HEG1: variants seen among roughly 807,000 people sequenced by gnomAD.
HEG1 encodes the protein heart development protein with EGF like domains 1.
A neutral mutation model predicts 125.6 loss-of-function variants in HEG1; 56 were observed. That is an observed-to-expected ratio of 0.45 (90% CI 0.36 to 0.56). HEG1 has a LOEUF of 0.56. Ranked by LOEUF, HEG1 falls within the 20% of genes least tolerant of loss-of-function variation. The pLI, the probability that HEG1 is intolerant of heterozygous loss-of-function variation, is 0.00. For synonymous variants in HEG1, 644 were observed against 668.5 expected, an observed-to-expected ratio of 0.96 and a Z score of 0.57; for missense variants, 1,523 against 1,670.0, an observed-to-expected ratio of 0.91 and a Z score of 1.53.
rs957910845 is a variant in HEG1 at position 124,971,089 on chromosome 3, C to T, written c.3997-288G>A. ...TCTAGTTGCAGGTGGAGTTAGGACC[C>T]CAAACCAGGAGGCCAACAGCAATCC... is the stretch of plus-strand genomic sequence containing the variant. On this transcript the variant is annotated intron_variant, in intron 16 of 16. Coordinates refer to ENST00000311127, the MANE Select transcript of HEG1 (RefSeq NM_020733.2). The T allele has an allele frequency of 1.3e-4, 67 of 533,272 alleles. 1 individual carries two copies. The highest frequency in any genetic ancestry group is 4.2e-4 in the Admixed American group (19 of 44,716). 33.0% of individuals were successfully genotyped at this position (533,272 alleles called of 1,614,324 possible).
At chr3:125,019,626 A>G (rs747874415) in intron 4 of HEG1, 29 bp from the exon 5 acceptor site, 3 of 1,567,682 alleles carry the variant, frequency 1.9e-6, no homozygotes, top group South Asian at 1.1e-5. Context: ...AAAAAAGGCC[A>G]TTACATAGGT....
chr3:125,053,595 AC>A (rs1937864540), intron 1 of HEG1, among the ~76,000 whole-genome samples: 1 of 152,294 alleles, frequency 6.6e-6, no homozygotes, highest in Admixed American at 6.5e-5. Flanking sequence ...AAGAGAACCT[AC>A]CTAGGTAAGA....
intron 11 of HEG1, among the ~76,000 whole-genome samples, chr3:124,998,556 G>T (rs1560020835): frequency 2.0e-5 from 3 of 152,216 alleles, no homozygotes. Context: ...GCCTGTCACT[G>T]ACCAGGCAGA....
intron 9 of HEG1, among the ~76,000 whole-genome samples, chr3:125,004,026 G>A (rs1052135662): frequency 6.6e-6 from 1 of 152,180 alleles, no homozygotes; most frequent in Non-Finnish European, 1.5e-5. Context: ...TTAGTGGACT[G>A]TTCCCCAACT....
intron 1 of HEG1, among the ~76,000 whole-genome samples, chr3:125,048,386 T>G (rs1238284895): frequency 6.6e-6 from 1 of 152,160 alleles, no homozygotes; most frequent in Non-Finnish European, 1.5e-5. Context: ...TGGCCCTGGG[T>G]GATCCAGACA....
intron 1 of HEG1, among the ~76,000 whole-genome samples, chr3:125,044,687 T>TA (rs367602751): frequency 6.6e-6 from 1 of 151,744 alleles, no homozygotes; most frequent in African/African-American, 2.4e-5. Context: ...AAATCCAGTT[T>TA]AAAAAAAATA....
At chr3:125,024,746 T>C (rs568677697) in intron 3 of HEG1, among the ~76,000 whole-genome samples, 45 of 152,258 alleles carry the variant, frequency 3.0e-4, no homozygotes, top group Admixed American at 1.4e-3. Context: ...TGTAGCTGAG[T>C]GAAGAGTGAA....
chr3:125,045,169 C>G (rs1488555718), intron 1 of HEG1, among the ~76,000 whole-genome samples: 1 of 152,228 alleles, frequency 6.6e-6, no homozygotes, highest in Non-Finnish European at 1.5e-5. Context: ...GTGAAGCTCA[C>G]TAAACCTGTG....
chr3:124,984,166 T>C (rs1936700564), intron 14 of HEG1, among the ~76,000 whole-genome samples: 1 of 152,162 alleles, frequency 6.6e-6, no homozygotes, highest in Admixed American at 6.5e-5. Context: ...ACACCTGCCA[T>C]CAGACCGTGG....
chr3:125,004,025 TG>T (rs1213026347), intron 9 of HEG1, among the ~76,000 whole-genome samples: 5 of 152,236 alleles, frequency 3.3e-5, no homozygotes, highest in African/African-American at 1.2e-4. Context: ...TTTAGTGGAC[TG>T]TTCCCCAACT....
At chr3:124,984,956 G>A (rs1309834743) in intron 14 of HEG1, among the ~76,000 whole-genome samples, 1 of 152,146 alleles carries the variant, frequency 6.6e-6, no homozygotes, top group African/African-American at 2.4e-5. Context: ...ATAAAATTAC[G>A]TAAGTGAAAA....
chr3:125,019,485 A>C lies in HEG1; in HGVS notation c.1365T>G (p.Thr455=), dbSNP rs372609059. 9.0e-5 allele frequency: 146 copies of C among 1,613,948 alleles called. No individual in the cohort carries two copies. Among genetic ancestry groups the C allele is most frequent in the Non-Finnish European group, 1.2e-4 (141 of 1,179,906 alleles). ...SVAPMRGGEI[T]AHWLLTNSTT... ...TGCTGTTGGTCAAGAGCCAGTGTGC[A>C]GTGATCTCTCCACCTCTCATGGGTG... is the stretch of plus-strand genomic sequence containing the variant. Residue 455 remains threonine (T), a synonymous_variant, in exon 5 of 17, where the codon ACT becomes ACG. Transcript: ENST00000311127.
chr3:124,978,264 C>T (rs936084828), intron 14 of HEG1, among the ~76,000 whole-genome samples: 18 of 152,202 alleles, frequency 1.2e-4, no homozygotes, highest in East Asian at 1.9e-4. Context: ...TCTCCTGCCT[C>T]GGCCTCCCAA....
chr3:124,975,524 A>G (rs184494022), intron 15 of HEG1, among the ~76,000 whole-genome samples: 34 of 152,320 alleles, frequency 2.2e-4, no homozygotes, highest in Admixed American at 9.1e-4. Flanking sequence ...CTTTCTGTAC[A>G]TAGCTTTACT....
At chr3:125,025,917 T>C (rs1937408068) in intron 3 of HEG1, among the ~76,000 whole-genome samples, 1 of 152,216 alleles carries the variant, frequency 6.6e-6, no homozygotes, top group Non-Finnish European at 1.5e-5. Flanking sequence ...GAAGAAGAAT[T>C]GGCTGCTTTA....
chr3:125,027,184 AG>A lies in HEG1; in HGVS notation c.913+20del. 1.3e-6 allele frequency: 2 copies of A among 1,555,178 alleles called. No individual in the cohort carries two copies. The highest frequency in any genetic ancestry group is 2.5e-5 in the South Asian group (2 of 80,162). ...TACTTTGAGTGACTTCCGAGTGTTA[AG>A]CTGGGTATGTGGCACTCACATGAGG... On this transcript the variant is annotated intron_variant, in intron 3 of 16. Coordinates refer to ENST00000311127, the MANE Select transcript of HEG1 (RefSeq NM_020733.2).
chr3:125,017,009 T>C (rs1453838886), intron 5 of HEG1, among the ~76,000 whole-genome samples: 1 of 152,040 alleles, frequency 6.6e-6, no homozygotes, highest in East Asian at 1.9e-4. Flanking sequence ...AGGAGAAATG[T>C]CTGCAAATTA....
At chr3:125,043,720 G>A (rs1455783887) in intron 1 of HEG1, among the ~76,000 whole-genome samples, 2 of 152,184 alleles carry the variant, frequency 1.3e-5, no homozygotes, top group African/African-American at 4.8e-5. Context: ...CCAGCGGGGT[G>A]GTGCGGGCCT....
At chr3:124,970,876 A>G in intron 16 of HEG1, 75 bp from the exon 17 acceptor site, 1 of 1,227,192 alleles carries the variant, frequency 8.1e-7, no homozygotes, top group Non-Finnish European at 1.2e-6. Flanking sequence ...AATCCCAATG[A>G]TTTTAGACCA....
Sources: allele counts gnomAD v4.1 joint callset (sites outside exome capture counted in the v4.1 genomes callset), GRCh38; gene constraint gnomAD v4.1.1; transcripts MANE v1.5; gene names NCBI Gene and HGNC (gene_info 2026-07-23, HGNC 2026-07-21).